NHSL2: variants seen among roughly 807,000 people sequenced by gnomAD.
NHSL2 encodes the protein NHS like 2.
A neutral mutation model predicts 53.4 loss-of-function variants in NHSL2; 27 were observed. That is an observed-to-expected ratio of 0.51 (90% CI 0.37 to 0.70). The LOEUF (loss-of-function observed/expected upper bound fraction) is 0.70. Ranked by LOEUF, NHSL2 falls within the 30% of genes least tolerant of loss-of-function variation. The pLI is 0.00. For missense variants in NHSL2, 892 were observed against 980.1 expected (o/e 0.91, Z 1.20); for synonymous variants, 408 against 404.1 (o/e 1.01, Z -0.12).
At chrX:72,035,381 G>A (rs1045654602) in intron 1 of NHSL2, among the ~76,000 whole-genome samples, 1 of 110,265 alleles carries the variant, frequency 9.1e-6, no homozygotes, top group Non-Finnish European at 1.9e-5. Context: ...TACATCTCTC[G>A]GATTGATTGT....
chrX:72,048,987 GAGA>G (rs1297031122), intron 1 of NHSL2, among the ~76,000 whole-genome samples: 2 of 35,529 alleles, frequency 5.6e-5, no homozygotes, highest in South Asian at 1.6e-3. Flanking sequence ...GAAGAAGGAG[GAGA>G]AGAAGAAGAA....
intron 1 of NHSL2, among the ~76,000 whole-genome samples, chrX:72,115,760 C>T (rs1249240496): frequency 1.8e-5 from 2 of 111,424 alleles, no homozygotes; most frequent in African/African-American, 6.5e-5. Flanking sequence ...AAGGAATGCT[C>T]CCTTCCTGGC....
chrX:72,130,112 C>T lies in NHSL2; in HGVS notation c.281-1967C>T, dbSNP rs753625204. 2.3e-5 allele frequency: 28 copies of T among 1,208,632 alleles called. No individual in the cohort carries two copies. The highest frequency in any genetic ancestry group is 6.6e-5 in the Admixed American group (3 of 45,680). ...GTGGGGCCAGAAGTCTGGGATGACG[C>T]GTGAACAAAGGTCGGCTCCATCTCC... On this transcript the variant is annotated intron_variant, in intron 1 of 7. Coordinates refer to ENST00000633930, the MANE Select transcript of NHSL2 (RefSeq NM_001013627.3).
intron 1 of NHSL2, among the ~76,000 whole-genome samples, chrX:72,077,677 A>G (rs2147416281): frequency 8.9e-6 from 1 of 112,502 alleles, no homozygotes; most frequent in Non-Finnish European, 1.9e-5. Context: ...GGCCATGTGC[A>G]ATGTGCAATG....
rs920007601 is a variant in NHSL2 at position 72,145,594 on chromosome X, A to G, written c.*2020A>G. 3.6e-5 allele frequency: 4 copies of G among 112,653 alleles called. No homozygotes were observed. The highest frequency in any genetic ancestry group is 7.5e-5 in the Non-Finnish European group (4 of 53,363). The allele number at this position is 112,653 out of a possible 1,213,427, so 9.3% of individuals were successfully genotyped here. On this transcript the variant is annotated 3_prime_UTR_variant, in exon 8 of 8. Coordinates refer to ENST00000633930, the MANE Select transcript of NHSL2 (RefSeq NM_001013627.3). ...TATGAATGCCACATTTGTCTGCTCC[A>G]GACTTAGAATTCCAAAAAACAGACA... is the stretch of plus-strand genomic sequence containing the variant.
rs1452509735 is a variant in NHSL2, at chrX:72,091,219, C to G, written c.281-40860C>G. On this transcript the variant is annotated intron_variant, in intron 1 of 7. Transcript: ENST00000633930. ...CTGTAATCCCAGCACTTTGGGAGGC[C>G]GAGACGGGTGGATCACCAGGTCAGG... 4.5e-5 allele frequency among the ~76,000 whole-genome samples: 5 copies of G among 111,936 alleles called. No individual in the cohort carries two copies. In the Admixed American group the frequency reaches 4.7e-4, roughly 11 times the overall value.
chrX:71,945,485 C>T lies in NHSL2; in HGVS notation c.280+34118C>T, dbSNP rs368124102. 1.2e-3 allele frequency among the ~76,000 whole-genome samples: 131 copies of T among 111,799 alleles called. No homozygotes were observed. The South Asian group carries it at 0.013, about 11-fold the overall frequency. On this transcript the variant is annotated intron_variant, in intron 1 of 7. Transcript: ENST00000633930. ...GCACTGGCTGTGCTCCTGCGTCCCC[C>T]CACCCCGCAACCCCTGCCGTTCATC...
At chrX:72,093,717 G>GCTTT (rs1491238848) in intron 1 of NHSL2, among the ~76,000 whole-genome samples, 1,067 of 78,514 alleles carry the variant, frequency 0.014, 8 homozygotes, top group African/African-American at 0.025. Flanking sequence ...AGTATAGCTT[G>GCTTT]CTTGCTTTCT....
At chrX:71,919,892 C>T (rs984670885) in intron 1 of NHSL2, among the ~76,000 whole-genome samples, 1 of 112,902 alleles carries the variant, frequency 8.9e-6, no homozygotes, top group Non-Finnish European at 1.9e-5. Context: ...TGCCTTTGGG[C>T]AGAGCTCTTG....
chrX:71,965,721 T>C lies in NHSL2; in HGVS notation c.280+54354T>C, dbSNP rs145443097. On this transcript the variant is annotated intron_variant, in intron 1 of 7. Coordinates refer to ENST00000633930, the MANE Select transcript of NHSL2 (RefSeq NM_001013627.3). ...GGAAGAACTGACATCTTGACAATGT[T>C]GAGTTTTACTATTCATGAACGTAGA... Among the ~76,000 whole-genome samples the C allele has an allele frequency of 3.7e-3, 420 of 112,387 alleles. 1 individual carries two copies. Among genetic ancestry groups the C allele is most frequent in the Non-Finnish European group, 4.8e-3 (256 of 53,151 alleles).
chrX:71,956,188 C>G (rs1409088915), intron 1 of NHSL2, among the ~76,000 whole-genome samples: 1 of 112,221 alleles, frequency 8.9e-6, no homozygotes, highest in Non-Finnish European at 1.9e-5. Flanking sequence ...TTGGCATTCA[C>G]TAAATGGCAC....
chrX:72,087,512 A>G (rs1471661611), intron 1 of NHSL2, among the ~76,000 whole-genome samples: 1 of 112,910 alleles, frequency 8.9e-6, no homozygotes, highest in Non-Finnish European at 1.9e-5. Context: ...TGTCTTACGT[A>G]TATTTTACTG....
At chrX:71,964,033 A>ATGTGTG (rs1180284769) in intron 1 of NHSL2, among the ~76,000 whole-genome samples, 2 of 49,805 alleles carry the variant, frequency 4.0e-5, no homozygotes, top group African/African-American at 1.7e-4. Context: ...ATGTGTATAT[A>ATGTGTG]TATATATATG....
intron 1 of NHSL2, among the ~76,000 whole-genome samples, chrX:71,923,546 C>T (rs190502972): frequency 8.9e-6 from 1 of 111,917 alleles, no homozygotes; most frequent in African/African-American, 3.3e-5. Context: ...CACCAGGCAC[C>T]AGGTATACAG....
rs765601505 is a variant in NHSL2, at chrX:71,985,674, G to A, written c.280+74307G>A. Among the ~76,000 whole-genome samples the A allele has an allele frequency of 1.9e-4, 21 of 112,152 alleles. No individual in the cohort carries two copies. The South Asian group carries it at 7.0e-3, about 37-fold the overall frequency. On this transcript the variant is annotated intron_variant, in intron 1 of 7. Transcript: ENST00000633930. ...TCTGAAAAACAAAACAAAAGGATCC[G>A]CAATGCTTTAAGCTAAGTTAAAAAA...
At chrX:72,020,127 T>G (rs780681437) in intron 1 of NHSL2, among the ~76,000 whole-genome samples, 82 of 112,845 alleles carry the variant, frequency 7.3e-4, no homozygotes, top group Non-Finnish European at 1.1e-3. Context: ...ATTTTTACAC[T>G]AACACAGGCT....
chrX:71,931,270 G>C (rs951353087), intron 1 of NHSL2, among the ~76,000 whole-genome samples: 2 of 112,097 alleles, frequency 1.8e-5, no homozygotes, highest in African/African-American at 6.5e-5. Context: ...ATTAATCCCT[G>C]GTCAGGTATA....
In NHSL2 at chrX:71,910,953, C is replaced by T. The variant is rs1306548347; in HGVS notation, c.-135C>T. ...CCGTCGTCTTTGGCGCCCGCACGCT[C>T]TCCGGCCCGCGCCCAGGGGCCTGCT... On this transcript the variant is annotated 5_prime_UTR_variant, in exon 1 of 8. Transcript: ENST00000633930. 6 of 453,493 alleles carry T rather than the reference C, an allele frequency of 1.3e-5. No individual in the cohort carries two copies. The highest frequency in any genetic ancestry group is 1.9e-5 in the Non-Finnish European group (6 of 323,911). The allele number at this position is 453,493 out of a possible 1,213,427, so 37.4% of individuals were successfully genotyped here. A position where few individuals can be genotyped will look rare whatever the true frequency, so the allele number is the denominator to read the frequency against.
At chrX:71,915,608 C>A (rs1008011179) in intron 1 of NHSL2, among the ~76,000 whole-genome samples, 2 of 112,215 alleles carry the variant, frequency 1.8e-5, no homozygotes, top group African/African-American at 6.5e-5. Context: ...TTACTAGATT[C>A]TTTCTCCCTT....
Sources: gnomAD v4.1 joint callset for allele counts (sites outside exome capture counted in the v4.1 genomes callset) on GRCh38, gnomAD v4.1.1 for gene constraint, MANE v1.5 for transcripts, NCBI Gene and HGNC (gene_info 2026-07-23, HGNC 2026-07-21) for gene names.